Variants in SPHKAP observed in about 807,000 individuals in gnomAD.
The protein encoded by SPHKAP is SPHK1 interactor, AKAP domain containing.
SPHKAP carries 67 observed loss-of-function variants against 137.5 expected under a neutral mutation model. That is an observed-to-expected ratio of 0.49 (90% confidence interval 0.40 to 0.60). SPHKAP has a LOEUF of 0.60. SPHKAP is among the 20% of genes least tolerant of loss of function. The pLI, the probability that SPHKAP is intolerant of heterozygous loss-of-function variation, is 0.00. For synonymous variants in SPHKAP, 813 were observed against 785.3 expected, an observed-to-expected ratio of 1.04 and a Z score of -0.59; for missense variants, 2,097 against 2,069.3, an observed-to-expected ratio of 1.01 and a Z score of -0.26.
At position 228,019,831 on chromosome 2, in the gene SPHKAP, T is replaced by G; in HGVS notation, c.1023A>C (p.Pro341=). ...QMEKSQALYI[P]KDAYFSMMDK... ...CCATCATGGAGAAATAAGCATCTTT[T>G]GGAATATACAGTGCCTGTGATTTTT... Residue 341 remains proline, a synonymous_variant, in exon 7 of 12, where the codon CCA becomes CCC. Transcript: ENST00000392056. 1 of 1,614,186 alleles carries G rather than the reference T, an allele frequency of 6.2e-7. No individual in the cohort carries two copies. The highest frequency in any genetic ancestry group is 2.2e-5 in the East Asian group (1 of 44,884).
intron 3 of SPHKAP, among the ~76,000 whole-genome samples, chr2:228,088,187 C>T (rs1465337980): frequency 1.3e-5 from 2 of 151,990 alleles, no homozygotes; most frequent in Non-Finnish European, 2.9e-5. Context: ...ATATATACTT[C>T]CTCTCTATTC....
chr2:228,181,652 T>C lies in SPHKAP; in HGVS notation c.-54A>G. 1 of 1,614,016 alleles carries C rather than the reference T, an allele frequency of 6.2e-7. No homozygotes were observed. On this transcript the variant is annotated 5_prime_UTR_variant, in exon 1 of 12. Coordinates refer to ENST00000392056, the MANE Select transcript of SPHKAP (RefSeq NM_001142644.2). The surrounding 1 kb of genome is among the most constrained non-coding windows in gnomAD (Gnocchi z 4.3). The stretch of plus-strand genomic sequence containing the variant: ...GGAAAGTGCAGGCGAAGGATAAGTC[T>C]GTGGTGCTAGGACCCAGCTCCCAGA...
chr2:228,088,597 T>C (rs4973611), intron 3 of SPHKAP, among the ~76,000 whole-genome samples: 38,636 of 152,174 alleles, frequency 0.25, 5,089 homozygotes, highest in South Asian at 0.42. Context: ...AATCTCATGG[T>C]GAAATGTAAT....
chr2:228,137,277 A>T (rs1699463797), intron 1 of SPHKAP, among the ~76,000 whole-genome samples: 1 of 152,224 alleles, frequency 6.6e-6, no homozygotes, highest in South Asian at 2.1e-4. Context: ...TCAGTGGGAG[A>T]TGCCCAACAA....
intron 7 of SPHKAP, among the ~76,000 whole-genome samples, chr2:228,010,356 G>T (rs576080230): frequency 2.0e-5 from 3 of 152,030 alleles, no homozygotes; most frequent in Non-Finnish European, 2.9e-5. Context: ...GTGAAACCCC[G>T]TCTCTACTAA....
At chr2:228,040,604 T>C (rs1695799014) in intron 3 of SPHKAP, among the ~76,000 whole-genome samples, 1 of 152,204 alleles carries the variant, frequency 6.6e-6, no homozygotes, top group African/African-American at 2.4e-5. Context: ...AAAAATAATT[T>C]TGAACTGCAA....
intron 2 of SPHKAP, among the ~76,000 whole-genome samples, chr2:228,121,380 G>C (rs951772626): frequency 3.3e-5 from 5 of 152,180 alleles, no homozygotes. Flanking sequence ...GCCAGGCATG[G>C]TGCCTTGCAC....
chr2:228,033,171 G>C (rs918966486), intron 3 of SPHKAP, among the ~76,000 whole-genome samples: 1 of 152,002 alleles, frequency 6.6e-6, no homozygotes, highest in East Asian at 1.9e-4. Context: ...TCAAAATAAA[G>C]GGATGGAGGA....
chr2:228,062,327 G>C (rs1696675718), intron 3 of SPHKAP, among the ~76,000 whole-genome samples: 1 of 152,044 alleles, frequency 6.6e-6, no homozygotes, highest in Admixed American at 6.6e-5. Flanking sequence ...GTTTCACCAT[G>C]TCAGCCAGGC....
chr2:228,136,816 G>A (rs1351018944), intron 1 of SPHKAP, among the ~76,000 whole-genome samples: 2 of 152,166 alleles, frequency 1.3e-5, no homozygotes, highest in African/African-American at 2.4e-5. Context: ...ATAGATCAGA[G>A]TAAAAGAGAT....
At chr2:228,003,737 A>G (rs1694003591) in intron 7 of SPHKAP, among the ~76,000 whole-genome samples, 1 of 152,156 alleles carries the variant, frequency 6.6e-6, no homozygotes, top group Non-Finnish European at 1.5e-5. Context: ...GATACATCCC[A>G]TCAATACCTA....
At chr2:227,994,761 T>C (rs1559336898) in intron 8 of SPHKAP, among the ~76,000 whole-genome samples, 1 of 152,230 alleles carries the variant, frequency 6.6e-6, no homozygotes, top group Non-Finnish European at 1.5e-5. Context: ...CCGCTAGTTT[T>C]AGAAGTTTTG....
At chr2:228,006,003 T>G (rs1694113940) in intron 7 of SPHKAP, among the ~76,000 whole-genome samples, 2 of 152,324 alleles carry the variant, frequency 1.3e-5, no homozygotes, top group East Asian at 3.9e-4. Flanking sequence ...TTGATGAATG[T>G]GACAATTATG....
intron 9 of SPHKAP, among the ~76,000 whole-genome samples, chr2:227,992,722 T>G (rs1477049540): frequency 6.6e-6 from 1 of 152,180 alleles, no homozygotes; most frequent in East Asian, 1.9e-4. Flanking sequence ...CCTCAATCAC[T>G]GAGGAGCACA....
intron 1 of SPHKAP, among the ~76,000 whole-genome samples, chr2:228,157,355 A>G (rs1700136220): frequency 6.6e-6 from 1 of 152,218 alleles, no homozygotes; most frequent in Admixed American, 6.6e-5. Context: ...ATTACAAAAT[A>G]CTGCCTACAC....
At chr2:228,008,316 C>T (rs113906869) in intron 7 of SPHKAP, among the ~76,000 whole-genome samples, 68 of 143,518 alleles carry the variant, frequency 4.7e-4, no homozygotes, top group African/African-American at 1.6e-3. Flanking sequence ...TTTTTTCCTG[C>T]GAGAGAGTCT....
chr2:228,034,026 A>G (rs1288715520), intron 3 of SPHKAP, among the ~76,000 whole-genome samples: 1 of 152,194 alleles, frequency 6.6e-6, no homozygotes, highest in East Asian at 1.9e-4. Flanking sequence ...AAATAACTAC[A>G]ATCAGAGCAG....
At chr2:228,081,661 T>G (rs1697368952) in intron 3 of SPHKAP, among the ~76,000 whole-genome samples, 1 of 152,160 alleles carries the variant, frequency 6.6e-6, no homozygotes, top group Admixed American at 6.5e-5. Flanking sequence ...TGGATGAACC[T>G]GGAGGATATT....
chr2:228,083,865 AAGTGGG>A (rs1697449808), intron 3 of SPHKAP, among the ~76,000 whole-genome samples: 1 of 152,132 alleles, frequency 6.6e-6, no homozygotes, highest in Non-Finnish European at 1.5e-5. Context: ...TCTCACTCAT[AAGTGGG>A]AGTGGAACAA....
Sources: allele counts gnomAD v4.1 joint callset (sites outside exome capture counted in the v4.1 genomes callset), GRCh38; gene constraint gnomAD v4.1.1; non-coding constraint Gnocchi (gnomAD v3.1); transcripts MANE v1.5; gene names NCBI Gene and HGNC (gene_info 2026-07-23, HGNC 2026-07-21).